Variants in AXDND1 observed in about 807,000 individuals in gnomAD.
AXDND1 encodes the protein axonemal dynein light chain domain-containing protein 1.
In AXDND1, 110 loss-of-function variants were observed where a neutral mutation model predicts 137.5. That is an observed-to-expected ratio of 0.80 (90% CI 0.69 to 0.94). The LOEUF (loss-of-function observed/expected upper bound fraction) is 0.94, where lower values mean the gene tolerates loss of function less well. AXDND1 is among the 40% of genes least tolerant of loss of function. AXDND1 has a pLI of 0.00. For missense variants in AXDND1, 1,191 were observed against 1,169.8 expected, an observed-to-expected ratio of 1.02 and a Z score of -0.26; for synonymous variants, 414 against 399.7, an observed-to-expected ratio of 1.04 and a Z score of -0.43.
At chr1:179,511,393 GGTGT>G (rs59772845) in intron 21 of AXDND1, among the ~76,000 whole-genome samples, 158 of 145,114 alleles carry the variant, frequency 1.1e-3, no homozygotes, top group African/African-American at 3.3e-3. Context: ...TGGTATATGG[GGTGT>G]GTGTGTGTGT....
intron 12 of AXDND1, among the ~76,000 whole-genome samples, chr1:179,422,753 A>G (rs1225340657): frequency 6.6e-6 from 1 of 151,858 alleles, no homozygotes; most frequent in Non-Finnish European, 1.5e-5. Context: ...ATTATATTAC[A>G]TTTTGTCTCT....
chr1:179,486,139 A>AAAAAAAAACAAAAAACT lies in AXDND1; in HGVS notation c.2091+2920_2091+2921insAAAAAACAAAAAACTAA, dbSNP rs149119239. On this transcript the variant is annotated intron_variant, in intron 18 of 25. Transcript: ENST00000367618. ...TGTCTCAAAAAAAAAAAAAAAAAAAAAACCTGATAGAAATGAAAAACACAC... is the reference window on the plus strand; with the variant it reads ...TGTCTCAAAAAAAAAAAAAAAAAAAAAAAAAAAACAAAAAACTAACCTGATAGAAATGAAAAACACAC... 8.6e-3 allele frequency among the ~76,000 whole-genome samples: 750 copies of AAAAAAAAACAAAAAACT among 87,664 alleles called. 84 individuals are homozygous for AAAAAAAAACAAAAAACT. Among genetic ancestry groups the AAAAAAAAACAAAAAACT allele is most frequent in the South Asian group, 0.014 (26 of 1,924 alleles). 57.5% of individuals were successfully genotyped at this position (87,664 alleles called of 152,430 possible). A position where few individuals can be genotyped will look rare whatever the true frequency, so the allele number is the denominator to read the frequency against.
intron 18 of AXDND1, among the ~76,000 whole-genome samples, chr1:179,486,781 G>T (rs1666133559): frequency 6.7e-6 from 1 of 148,778 alleles, no homozygotes; most frequent in African/African-American, 2.6e-5. Context: ...CAAATGCTGA[G>T]GGAATTTTTT....
In AXDND1 at chr1:179,492,949, A is replaced by G. The variant is rs1312025488; in HGVS notation, c.2386A>G (p.Lys796Glu). 4.4e-6 allele frequency: 7 copies of G among 1,589,380 alleles called. No individual in the cohort carries two copies. The highest frequency in any genetic ancestry group is 6.0e-6 in the Non-Finnish European group (7 of 1,164,720). The change falls in exon 20 of 26, where the codon AAG (lysine) becomes GAG (glutamate). Residue 796 changes from lysine to glutamate, a missense_variant and splice_region_variant. Coordinates refer to ENST00000367618, the MANE Select transcript of AXDND1 (RefSeq NM_144696.6). Reference protein sequence around the residue: ...TEDLYEVDKLKKECYEWINTC... With the variant: ...TEDLYEVDKLEKECYEWINTC... ...AGACCTTTATGAGGTGGATAAGTTG[A>G]AGGTAATAACTCTGTCTTCCCCTTA...
chr1:179,435,944 CAG>C (rs1296835097), intron 15 of AXDND1, among the ~76,000 whole-genome samples: 1 of 151,862 alleles, frequency 6.6e-6, no homozygotes, highest in Non-Finnish European at 1.5e-5. Context: ...ATCCATCTGA[CAG>C]AGGTCTAATA....
intron 11 of AXDND1, among the ~76,000 whole-genome samples, chr1:179,396,887 A>T (rs1651160290): frequency 6.6e-6 from 1 of 152,148 alleles, no homozygotes; most frequent in Non-Finnish European, 1.5e-5. Context: ...ATTGCATGTG[A>T]GATGAGTCTC....
At chr1:179,426,990 C>T (rs1214634259) in intron 12 of AXDND1, among the ~76,000 whole-genome samples, 4 of 152,014 alleles carry the variant, frequency 2.6e-5, no homozygotes, top group Admixed American at 6.5e-5. Context: ...GGTAAAACCC[C>T]GTCTCTACTA....
intron 20 of AXDND1, among the ~76,000 whole-genome samples, chr1:179,502,205 T>G (rs1267429808): frequency 1.3e-5 from 2 of 152,158 alleles, no homozygotes; most frequent in Admixed American, 1.3e-4. Flanking sequence ...GAAAAGCTGC[T>G]CAATTTCATA....
At chr1:179,456,463 C>A in intron 16 of AXDND1, 1 of 768,352 alleles carries the variant, frequency 1.3e-6, no homozygotes, top group East Asian at 2.4e-5. Flanking sequence ...CCTCCACCTC[C>A]GTTGTTATAG....
intron 17 of AXDND1, among the ~76,000 whole-genome samples, chr1:179,472,960 A>G (rs555988037): frequency 6.6e-6 from 1 of 152,148 alleles, no homozygotes; most frequent in East Asian, 1.9e-4. Flanking sequence ...CAGTCTGACA[A>G]TCTCTGCCTT....
At chr1:179,528,261 G>A (rs554402781) in intron 22 of AXDND1, 66 bp from the exon 23 acceptor site, 118 of 1,127,834 alleles carry the variant, frequency 1.0e-4, no homozygotes, top group Middle Eastern at 5.9e-4. Flanking sequence ...ACTTGCTACC[G>A]TGCCAGGAAA....
chr1:179,447,728 T>G, intron 16 of AXDND1: 1 of 1,349,220 alleles, frequency 7.4e-7, no homozygotes, highest in Non-Finnish European at 1.1e-6. Flanking sequence ...CCTAAACTAT[T>G]TGCACCAGTA....
At chr1:179,398,582 G>A (rs1238135579) in intron 11 of AXDND1, among the ~76,000 whole-genome samples, 1 of 152,232 alleles carries the variant, frequency 6.6e-6, no homozygotes, top group Admixed American at 6.5e-5. Context: ...AGGCAGCACA[G>A]CTGGAAGAGG....
chr1:179,442,824 C>T (rs988464888), intron 15 of AXDND1, among the ~76,000 whole-genome samples: 2 of 151,962 alleles, frequency 1.3e-5, no homozygotes, highest in African/African-American at 4.8e-5. Flanking sequence ...ATGTAACCCG[C>T]ACGAAACTAG....
chr1:179,390,871 A>G (rs61821539), intron 9 of AXDND1, among the ~76,000 whole-genome samples: 44,071 of 151,668 alleles, frequency 0.29, 6,549 homozygotes, highest in Non-Finnish European at 0.31. Flanking sequence ...CAATGGTGCA[A>G]TCTTGGCTCA....
chr1:179,495,450 C>A (rs4459067), intron 20 of AXDND1, among the ~76,000 whole-genome samples: 114,218 of 151,976 alleles, frequency 0.75, 43,351 homozygotes, highest in South Asian at 0.84. Flanking sequence ...TGCTACTATA[C>A]ATGGTATTAT....
At chr1:179,459,988 TTTCCTTCC>T (rs1238536955) in intron 16 of AXDND1, among the ~76,000 whole-genome samples, 13 of 130,988 alleles carry the variant, frequency 9.9e-5, no homozygotes, top group African/African-American at 1.5e-4. Context: ...TCTTTCTTTC[TTTCCTTCC>T]TTCCTTCCTT....
At chr1:179,507,108 CCTT>C (rs1300797044) in intron 20 of AXDND1, among the ~76,000 whole-genome samples, 2 of 152,256 alleles carry the variant, frequency 1.3e-5, no homozygotes, top group Non-Finnish European at 2.9e-5. Context: ...CTTAAATACT[CCTT>C]CACTCCAAAC....
At chr1:179,397,648 C>T (rs1651280929) in intron 11 of AXDND1, among the ~76,000 whole-genome samples, 2 of 152,208 alleles carry the variant, frequency 1.3e-5, no homozygotes, top group South Asian at 4.1e-4. Flanking sequence ...GGTATCTTTA[C>T]ATAATCCCAC....
Sources: allele counts gnomAD v4.1 joint callset (sites outside exome capture counted in the v4.1 genomes callset), GRCh38; gene constraint gnomAD v4.1.1; transcripts MANE v1.5; gene names NCBI Gene and HGNC (gene_info 2026-07-23, HGNC 2026-07-21).